The following MKS1 variants were observed in gnomAD, a reference collection of about 807,000 sequenced individuals.
The protein encoded by MKS1 is MKS transition zone complex subunit 1.
Under a neutral mutation model 83.7 loss-of-function variants are expected in MKS1, and 70 were observed. The ratio of observed to expected loss-of-function variants is 0.84; its 90% CI spans 0.69 to 1.02. MKS1 has a LOEUF of 1.02. Among genes scored for constraint, MKS1 ranks in the 50% least tolerant of loss-of-function variants. The pLI, the probability that MKS1 is intolerant of heterozygous loss-of-function variation, is 0.00. For missense variants in MKS1, 681 were observed against 726.9 expected (o/e 0.94, Z 0.73); for synonymous variants, 251 against 273.4 (o/e 0.92, Z 0.81).
chr17:58,205,638 A>C lies in MKS1; in HGVS notation c.*441T>G. 7.6e-7 allele frequency: 1 copy of C among 1,307,230 alleles called. No homozygotes were observed. Among genetic ancestry groups the C allele is most frequent in the Non-Finnish European group, 1.0e-6 (1 of 991,070 alleles). The allele number at this position is 1,307,230 out of a possible 1,614,324, so 81.0% of individuals were successfully genotyped here. ...TCCCTGGAAAGAGGCTGAGACTCAC[A>C]GGCTGGGGATTTAAGACCCTCTCAC... is the stretch of plus-strand genomic sequence containing the variant. On this transcript the variant is annotated 3_prime_UTR_variant, in exon 18 of 18. Coordinates refer to ENST00000393119, the MANE Select transcript of MKS1 (RefSeq NM_017777.4).
At position 58,212,418 on chromosome 17, in the gene MKS1, T is replaced by C. The variant is rs1170460125; in HGVS notation, c.875A>G (p.Lys292Arg). Residue 292 changes from lysine (K) to arginine (R), a missense_variant, in exon 9 of 18, where the codon AAG becomes AGG. Around this residue, in one of 3 missense-constraint regions of MKS1, gnomAD observed 365 missense variants for 383.8 expected, o/e 0.95. Coordinates refer to ENST00000393119, the MANE Select transcript of MKS1 (RefSeq NM_017777.4). ...GCCTACGAGGCTGCTGAGATACTCC[T>C]TGTGCCGGCCATAAAGCTGAGGAAA... ...RVFKDLYGRH[K>R]EYLSSLVGTD... 3.7e-6 allele frequency: 6 copies of C among 1,614,178 alleles called. No homozygotes were observed. Among genetic ancestry groups the C allele is most frequent in the Non-Finnish European group, 5.1e-6 (6 of 1,180,036 alleles).
rs1337293650 is a variant in MKS1 at position 58,207,217 on chromosome 17, G to T, written c.1275C>A (p.Gly425=). ...ACGTGGAGACTGTCAGGGTGTGTGA[G>T]CCTGCGCAAGGGAAGAGAAGACTGG... ...YGAVVLPATP[G]SHTLTVSTWR... is the part of the protein sequence containing the mutation. Residue 425 remains glycine, a splice_region_variant and synonymous_variant, in exon 15 of 18, where the codon GGC becomes GGA. Coordinates refer to ENST00000393119, the MANE Select transcript of MKS1 (RefSeq NM_017777.4). 6.2e-7 allele frequency: 1 copy of T among 1,613,918 alleles called. No individual in the cohort carries two copies. The highest frequency in any genetic ancestry group is 1.3e-5 in the African/African-American group (1 of 74,916).
intron 3 of MKS1, 94 bp downstream of exon 3, chr17:58,216,572 A>G: frequency 3.7e-6 from 5 of 1,356,202 alleles, no homozygotes; most frequent in Non-Finnish European, 4.2e-6. Flanking sequence ...AACTGTTACA[A>G]CCTGTCTGGA....
At position 58,207,080 on chromosome 17, in the gene MKS1, G is replaced by T; in HGVS notation, c.1407+5C>A. 1.2e-6 allele frequency: 2 copies of T among 1,614,192 alleles called. No individual in the cohort carries two copies. The highest frequency in any genetic ancestry group is 1.7e-6 in the Non-Finnish European group (2 of 1,180,038). ...GCGTGAAGTCACTCCAAAGACAAAA[G>T]TCACCTTGAAGGATCCTGGTATCCG... is the stretch of plus-strand genomic sequence containing the variant. On this transcript the variant is annotated splice_donor_5th_base_variant and intron_variant, in intron 15 of 17. Transcript: ENST00000393119.
chr17:58,206,444 G>A, intron 16 of MKS1, 21 bp downstream of exon 16: 1 of 1,614,064 alleles, frequency 6.2e-7, no homozygotes, highest in Non-Finnish European at 8.5e-7. Flanking sequence ...GTGCCCTGAG[G>A]CAGAGGGCCA....
At chr17:58,215,604 G>T (rs59406288) in intron 4 of MKS1, 3,014 of 183,956 alleles carry the variant, frequency 0.016, 92 homozygotes, top group African/African-American at 0.066. Context: ...TGCAGTGACT[G>T]AAGAAAATGT....
At position 58,207,113 on chromosome 17, in the gene MKS1, G is replaced by A. The variant is rs760032525; in HGVS notation, c.1379C>T (p.Ser460Phe). ...GAAGGATCCTGGTATCCGTACATAG[G>A]AGAGGTCCTCCAGTTCCAGAGAACC... ...IGGSLELEDL[S>F]YVRIPGSFKG... Residue 460 changes from serine to phenylalanine, a missense_variant, in exon 15 of 18, where the codon TCC (serine) becomes TTC (phenylalanine). Physicochemically the swap from Ser to Phe is radical, Grantham distance 155 (BLOSUM62 -2). This residue lies in a region of MKS1 where 310 missense variants were observed against 321.7 expected (regional missense o/e 0.96). Transcript: ENST00000393119. 7 of 1,614,026 alleles carry A rather than the reference G, an allele frequency of 4.3e-6. No individual in the cohort carries two copies. The highest frequency in any genetic ancestry group is 1.1e-5 in the South Asian group (1 of 91,078).
In MKS1 at chr17:58,214,400, A is replaced by G; in HGVS notation, c.516-13T>C. ...GATGCCGCCCTCCCTGGGAGACACCACAGAAAGGTCACTTCCCTGGCACAC... is the reference window on the plus strand; with the variant it reads ...GATGCCGCCCTCCCTGGGAGACACCGCAGAAAGGTCACTTCCCTGGCACAC... On this transcript the variant is annotated splice_polypyrimidine_tract_variant and intron_variant, in intron 5 of 17. Transcript: ENST00000393119. 2 of 1,612,618 alleles carry G rather than the reference A, an allele frequency of 1.2e-6. No individual in the cohort carries two copies. Among genetic ancestry groups the G allele is most frequent in the Non-Finnish European group, 1.7e-6 (2 of 1,180,014 alleles).
At position 58,209,659 on chromosome 17, in the gene MKS1, A is replaced by G. The variant is rs1024601711; in HGVS notation, c.1024+1000T>C. Among the ~76,000 whole-genome samples, 8 of 152,354 alleles carry G rather than the reference A, an allele frequency of 5.3e-5. No homozygotes were observed. Among genetic ancestry groups the G allele is most frequent in the African/African-American group, 1.9e-4 (8 of 41,578 alleles). The stretch of plus-strand genomic sequence containing the variant: ...GGTGGGAATGAACCTGGCTGGGAAG[A>G]ATGACTGGAAGGTTGTATGGAAGAG... On this transcript the variant is annotated intron_variant, in intron 11 of 17. Coordinates refer to ENST00000393119, the MANE Select transcript of MKS1 (RefSeq NM_017777.4). This position sits in a 1 kb window ranked among gnomAD's most constrained non-coding sequence, Gnocchi z 4.1.
rs1969236289 is a variant in MKS1, at chr17:58,216,647, A to T, written c.261+19T>A. ...AGACCAGATGGAATAGACAGAGAAG[A>T]CAAGAGACACTGGCTCACCTGGCTA... On this transcript the variant is annotated intron_variant, in intron 3 of 17. Coordinates refer to ENST00000393119, the MANE Select transcript of MKS1 (RefSeq NM_017777.4). The T allele has an allele frequency of 6.2e-7, 1 of 1,613,054 alleles. No individual in the cohort carries two copies. The highest frequency in any genetic ancestry group is 8.5e-7 in the Non-Finnish European group (1 of 1,179,122).
chr17:58,217,614 G>C (rs1180471406), intron 2 of MKS1, among the ~76,000 whole-genome samples: 1 of 152,072 alleles, frequency 6.6e-6, no homozygotes, highest in African/African-American at 2.4e-5. Context: ...TTTGAAACCA[G>C]CCTGGACAAC....
intron 4 of MKS1, chr17:58,215,882 G>A: frequency 1.6e-6 from 1 of 619,470 alleles, no homozygotes; most frequent in Non-Finnish European, 2.9e-6. Context: ...CCTCTAGCAG[G>A]CAGAGAAGGG....
Position 58,210,994 on chromosome 17 carries a change from A to T in MKS1, c.944T>A (p.Val315Glu), listed in dbSNP as rs771030303. 1.2e-6 allele frequency: 2 copies of T among 1,614,066 alleles called. No individual in the cohort carries two copies. Among genetic ancestry groups the T allele is most frequent in the African/African-American group, 1.3e-5 (1 of 75,046 alleles). Residue 315 changes from valine to glutamate, a missense_variant, in exon 10 of 18, where the codon GTA becomes GAA. Val to Glu is a moderately radical substitution (Grantham distance 121). Transcript: ENST00000393119. ...MTVPGALRLF[V>E]NGEVVSAQGY... ...AAGACACTTACCGACCTCTCCATTT[A>T]CAAAGAGCCGGAGGGCACCTGGGAC...
Position 58,207,105 on chromosome 17 carries a change from G to A in MKS1, c.1387C>T (p.Arg463Trp), listed in dbSNP as rs766392300. Reference protein sequence around the residue: ...SLELEDLSYVRIPGSFKGERL... With the variant: ...SLELEDLSYVWIPGSFKGERL... ...GTCACCTTGAAGGATCCTGGTATCCGTACATAGGAGAGGTCCTCCAGTTCC... is the reference window on the plus strand; with the variant it reads ...GTCACCTTGAAGGATCCTGGTATCCATACATAGGAGAGGTCCTCCAGTTCC... The change falls in exon 15 of 18, where the codon CGG becomes TGG. Residue 463 changes from arginine to tryptophan, a missense_variant. This residue lies in a region of MKS1 where 310 missense variants were observed against 321.7 expected (regional missense o/e 0.96). Coordinates refer to ENST00000393119, the MANE Select transcript of MKS1 (RefSeq NM_017777.4). 13 of 1,614,042 alleles carry A rather than the reference G, an allele frequency of 8.1e-6. No individual in the cohort carries two copies. The highest frequency in any genetic ancestry group is 4.5e-5 in the East Asian group (2 of 44,888).
intron 14 of MKS1, 179 bp downstream of exon 14, chr17:58,207,715 G>A: frequency 1.5e-6 from 1 of 685,190 alleles, no homozygotes; most frequent in Non-Finnish European, 2.6e-6. Flanking sequence ...CAGTGCCAAG[G>A]CCACGTCATT....
chr17:58,218,484 A>AAAC, intron 2 of MKS1, 136 bp downstream of exon 2: 1 of 419,480 alleles, frequency 2.4e-6, no homozygotes, highest in Non-Finnish European at 4.5e-6. Context: ...AAAAAAAGCC[A>AAAC]CAAATAGAAT....
chr17:58,214,957 C>G, intron 4 of MKS1, 119 bp from the exon 5 acceptor site: 1 of 1,477,346 alleles, frequency 6.8e-7, no homozygotes, highest in South Asian at 1.2e-5. Context: ...CAGGTTCCGC[C>G]ACCTCACAAT....
intron 2 of MKS1, 138 bp downstream of exon 2, chr17:58,218,478 AAAGC>A: frequency 6.1e-5 from 25 of 412,754 alleles, no homozygotes; most frequent in East Asian, 2.4e-4. Context: ...AAAAAAAAAA[AAAGC>A]CACAAATAGA....
intron 4 of MKS1, chr17:58,215,675 T>C (rs1363994100): frequency 1.3e-5 from 3 of 227,260 alleles, no homozygotes; most frequent in Non-Finnish European, 1.8e-5. Context: ...CCATTTTCCA[T>C]AGCTATACTG....
Sources: allele counts gnomAD v4.1 joint callset (sites outside exome capture counted in the v4.1 genomes callset), GRCh38; gene constraint gnomAD v4.1.1; regional missense constraint gnomAD v4.1.1; non-coding constraint Gnocchi (gnomAD v3.1); transcripts MANE v1.5; gene names NCBI Gene and HGNC (gene_info 2026-07-23, HGNC 2026-07-21).